Variants in NEBL observed in about 807,000 individuals in gnomAD.
The protein encoded by NEBL is LIM and SH3 protein 2.
Under a neutral mutation model 140.2 loss-of-function variants are expected in NEBL, and 122 were observed. That is an observed-to-expected ratio of 0.87 (90% CI 0.75 to 1.01). The LOEUF (loss-of-function observed/expected upper bound fraction) is 1.01. Among genes scored for constraint, NEBL ranks in the 50% least tolerant of loss-of-function variants. The probability of loss-of-function intolerance (pLI) is 0.00; values close to 1 mark genes in which losing one functional copy is unlikely to be tolerated. For synonymous variants in NEBL, 436 were observed against 398.9 expected, an observed-to-expected ratio of 1.09 and a Z score of -1.11; for missense variants, 1,365 against 1,231.3, an observed-to-expected ratio of 1.11 and a Z score of -1.62.
chr10:21,058,366 T>C (rs1160348573), intron 2 of NEBL, among the ~76,000 whole-genome samples: 1 of 152,140 alleles, frequency 6.6e-6, no homozygotes, highest in Non-Finnish European at 1.5e-5. Flanking sequence ...TTCCATTAGA[T>C]CAACTTTCAC....
intron 2 of NEBL, among the ~76,000 whole-genome samples, chr10:21,028,235 CAAAAA>C (rs1168946872): frequency 4.5e-5 from 3 of 66,244 alleles, no homozygotes; most frequent in South Asian, 9.2e-4. Flanking sequence ...TCAAACATCT[CAAAAA>C]AAAAAAAAAA....
chr10:20,939,662 C>A (rs1352198439), intron 4 of NEBL, among the ~76,000 whole-genome samples: 2 of 151,904 alleles, frequency 1.3e-5, no homozygotes, highest in African/African-American at 2.4e-5. Flanking sequence ...GAGTCAAGAC[C>A]CATCCGTGTG....
Position 21,001,729 on chromosome 10 carries a change from G to A in NEBL, c.249+18388C>T, listed in dbSNP as rs145272030. ...TTATATCCTACTGCTCAAGGTCATC[G>A]CCAAGGTCTGATTGCAAAAATTCAA... On this transcript the variant is annotated intron_variant, in intron 3 of 6. Coordinates refer to the NEBL transcript ENST00000417816. Among the ~76,000 whole-genome samples the A allele has an allele frequency of 3.1e-3, 471 of 151,844 alleles. 1 individual carries two copies. The highest frequency in any genetic ancestry group is 0.017 in the Middle Eastern group (5 of 294).
At chr10:20,823,895 G>A (rs1275886495) in intron 18 of NEBL, among the ~76,000 whole-genome samples, 1 of 152,100 alleles carries the variant, frequency 6.6e-6, no homozygotes, top group African/African-American at 2.4e-5. Flanking sequence ...ATCAGTATAA[G>A]GAAGGTCAGC....
At chr10:21,168,470 A>G (rs888876486) in intron 2 of NEBL, among the ~76,000 whole-genome samples, 1 of 152,202 alleles carries the variant, frequency 6.6e-6, no homozygotes, top group Non-Finnish European at 1.5e-5. Flanking sequence ...TCTAATAGCT[A>G]AGAAAAGTTG....
intron 3 of NEBL, among the ~76,000 whole-genome samples, chr10:21,206,228 TAA>T (rs1408692660): frequency 2.0e-5 from 3 of 152,210 alleles, no homozygotes; most frequent in Non-Finnish European, 4.4e-5. Flanking sequence ...TTTTAAATCC[TAA>T]GGAGACAGAA....
chr10:20,850,497 T>C lies in NEBL; in HGVS notation c.1014A>G (p.Lys338=), dbSNP rs1314873818. The part of the protein sequence containing the change: ...KGNAVLQSQV[K]YKEEYEKNKG... ...TATTTTTCTCATATTCTTCTTTATA[T>C]TTCACCTTCATTGGAAAAAGAAAAG... The change falls in exon 11 of 28, where the codon AAA becomes AAG. Residue 338 remains lysine (K), a synonymous_variant. Coordinates refer to ENST00000377122, the MANE Select transcript of NEBL (RefSeq NM_006393.3). The C allele has an allele frequency of 6.3e-7, 1 of 1,586,400 alleles. No individual in the cohort carries two copies. Among genetic ancestry groups the C allele is most frequent in the Non-Finnish European group, 8.7e-7 (1 of 1,155,244 alleles).
chr10:20,787,078 C>A, intron 27 of NEBL, 124 bp downstream of exon 27: 1 of 870,754 alleles, frequency 1.1e-6, no homozygotes, highest in Non-Finnish European at 1.9e-6. Flanking sequence ...AATGGCAACA[C>A]ATCATCATTT....
intron 3 of NEBL, among the ~76,000 whole-genome samples, chr10:21,000,205 G>A (rs1157755567): frequency 1.9e-5 from 2 of 106,006 alleles, no homozygotes; most frequent in Non-Finnish European, 3.6e-5. Context: ...GAATAGAGGG[G>A]GTATAGAGGG....
intron 1 of NEBL, 40 bp from the exon 2 acceptor site, chr10:20,897,069 C>T (rs918438291): frequency 5.6e-6 from 9 of 1,604,824 alleles, no homozygotes; most frequent in African/African-American, 2.7e-5. Flanking sequence ...GAACATTTTT[C>T]TCATTGTCAA....
chr10:20,991,382 T>C (rs1040507428), intron 3 of NEBL, among the ~76,000 whole-genome samples: 2 of 152,126 alleles, frequency 1.3e-5, no homozygotes, highest in African/African-American at 2.4e-5. Flanking sequence ...TATTGTGAAA[T>C]TGACAATCAA....
chr10:20,813,890 A>G (rs1269404014), intron 23 of NEBL, 49 bp downstream of exon 23: 3 of 1,176,470 alleles, frequency 2.6e-6, no homozygotes. Context: ...CGTGCACTGG[A>G]TCCGCCCATT....
chr10:21,059,151 G>GC, intron 2 of NEBL, among the ~76,000 whole-genome samples: 1 of 152,282 alleles, frequency 6.6e-6, no homozygotes, highest in South Asian at 2.1e-4. Flanking sequence ...TCGGGGTGAA[G>GC]CCCCCCTCAC....
rs1835178169 is a variant in NEBL at position 20,783,721 on chromosome 10, A to T, written c.*2026T>A. The T allele has an allele frequency of 6.6e-6, 1 of 152,628 alleles. No homozygotes were observed. The highest frequency in any genetic ancestry group is 6.5e-5 in the Admixed American group (1 of 15,272). 9.5% of individuals were successfully genotyped at this position (152,628 alleles called of 1,614,324 possible). On this transcript the variant is annotated 3_prime_UTR_variant, in exon 28 of 28. Transcript: ENST00000377122. ...TATACTTAGTAAAATAAAATTGAGC[A>T]GGTATTTTATCCTCAGTTTTAACGA... is the stretch of plus-strand genomic sequence containing the variant.
At chr10:20,824,542 G>A (rs1839652519) in intron 18 of NEBL, among the ~76,000 whole-genome samples, 1 of 152,146 alleles carries the variant, frequency 6.6e-6, no homozygotes, top group Non-Finnish European at 1.5e-5. Flanking sequence ...GGAAAATGTC[G>A]AGATCTTTAA....
At chr10:21,083,924 G>T (rs1836500248) in intron 2 of NEBL, among the ~76,000 whole-genome samples, 1 of 152,170 alleles carries the variant, frequency 6.6e-6, no homozygotes, top group African/African-American at 2.4e-5. Flanking sequence ...CCTTCCAGAG[G>T]CAGCGTACCT....
chr10:21,013,427 G>A (rs1466774447), intron 3 of NEBL, among the ~76,000 whole-genome samples: 4 of 152,144 alleles, frequency 2.6e-5, no homozygotes, highest in Admixed American at 6.5e-5. Context: ...AAATCAAAAG[G>A]TGGAAGTGTA....
chr10:21,194,228 T>C (rs1841616638), intron 3 of NEBL, among the ~76,000 whole-genome samples: 1 of 152,112 alleles, frequency 6.6e-6, no homozygotes, highest in Admixed American at 6.6e-5. Flanking sequence ...CCCCTCAGCT[T>C]CCCAAAGTAC....
chr10:20,917,558 G>A (rs561865049), intron 4 of NEBL, among the ~76,000 whole-genome samples: 4 of 152,216 alleles, frequency 2.6e-5, no homozygotes, highest in African/African-American at 9.6e-5. Context: ...TATGCATCAC[G>A]TACCTCATTT....
Sources: gnomAD v4.1 joint callset for allele counts (sites outside exome capture counted in the v4.1 genomes callset) on GRCh38, gnomAD v4.1.1 for gene constraint, MANE v1.5 for transcripts, NCBI Gene and HGNC (gene_info 2026-07-23, HGNC 2026-07-21) for gene names.